Variants in GBF1 observed in about 807,000 individuals in gnomAD.
GBF1 encodes golgi brefeldin A resistant guanine nucleotide exchange factor 1.
In GBF1, 114 loss-of-function variants were observed where a neutral mutation model predicts 210.5. The ratio of observed to expected loss-of-function variants is 0.54; its 90% CI spans 0.47 to 0.63. GBF1 has a LOEUF of 0.63. GBF1 is among the 30% of genes least tolerant of loss of function. The pLI is 0.00. For missense variants in GBF1, 1,851 were observed against 2,357.7 expected (o/e 0.79, Z 4.45); for synonymous variants, 850 against 889.2 (o/e 0.96, Z 0.78).
chr10:102,344,230 C>A (rs752688592), intron 4 of GBF1, 48 bp downstream of exon 4: 1 of 1,599,506 alleles, frequency 6.3e-7, no homozygotes, highest in Non-Finnish European at 8.6e-7. Flanking sequence ...CATTTCCCAC[C>A]TTTCCTGGGG....
intron 3 of GBF1, among the ~76,000 whole-genome samples, chr10:102,291,668 G>A (rs1010541131): frequency 3.9e-5 from 6 of 152,046 alleles, no homozygotes; most frequent in African/African-American, 1.2e-4. Context: ...CTTGATATTT[G>A]GCTTCCTAAG....
At chr10:102,287,270 A>G (rs1214688696) in intron 3 of GBF1, among the ~76,000 whole-genome samples, 5 of 151,564 alleles carry the variant, frequency 3.3e-5, no homozygotes, top group African/African-American at 9.7e-5. Flanking sequence ...TGGGTAGCAA[A>G]TTACCCCCCA....
intron 23 of GBF1, 40 bp from the exon 24 acceptor site, chr10:102,369,171 A>T: frequency 6.8e-7 from 1 of 1,474,120 alleles, no homozygotes. Flanking sequence ...CTTTCCAGAC[A>T]TTAGCTCGGC....
intron 3 of GBF1, among the ~76,000 whole-genome samples, chr10:102,271,152 C>T (rs2074376299): frequency 6.6e-6 from 1 of 152,058 alleles, no homozygotes; most frequent in Non-Finnish European, 1.5e-5. Flanking sequence ...ATTCTCCTGC[C>T]TCAGCCTCCC....
At chr10:102,263,817 C>T (rs1253316586) in intron 3 of GBF1, among the ~76,000 whole-genome samples, 4 of 152,166 alleles carry the variant, frequency 2.6e-5, no homozygotes, top group African/African-American at 9.7e-5. Context: ...AAGAGGGTTG[C>T]TCTTGGAAGA....
chr10:102,357,923 G>C, intron 8 of GBF1, 116 bp from the exon 9 acceptor site: 1 of 736,658 alleles, frequency 1.4e-6, no homozygotes, highest in Non-Finnish European at 2.4e-6. Context: ...TCTTACTTTA[G>C]CAAAGATATG....
chr10:102,296,613 A>G (rs1483700655), intron 3 of GBF1, among the ~76,000 whole-genome samples: 1 of 152,104 alleles, frequency 6.6e-6, no homozygotes, highest in Non-Finnish European at 1.5e-5. Context: ...TTAGTGGCGG[A>G]TGCCTGTAAT....
intron 3 of GBF1, among the ~76,000 whole-genome samples, chr10:102,260,596 G>A (rs1341234921): frequency 6.9e-6 from 1 of 145,454 alleles, no homozygotes; most frequent in Non-Finnish European, 1.5e-5. Context: ...TCCTGCCTCA[G>A]CCTCCTAAGT....
At chr10:102,255,084 A>G (rs2072150931) in intron 1 of GBF1, among the ~76,000 whole-genome samples, 1 of 152,096 alleles carries the variant, frequency 6.6e-6, no homozygotes, top group African/African-American at 2.4e-5. Context: ...TCTGTTGCCC[A>G]GGTTGGAATG....
At chr10:102,288,526 A>AC in intron 3 of GBF1, among the ~76,000 whole-genome samples, 1 of 151,712 alleles carries the variant, frequency 6.6e-6, no homozygotes, top group Non-Finnish European at 1.5e-5. Flanking sequence ...CCTGGCTAAC[A>AC]AGGTGAAACC....
intron 11 of GBF1, among the ~76,000 whole-genome samples, chr10:102,359,687 T>C (rs1565156490): frequency 1.3e-5 from 2 of 151,898 alleles, no homozygotes; most frequent in Admixed American, 6.6e-5. Context: ...GCTTAGGACT[T>C]TTAACAGAAA....
At chr10:102,335,250 G>T (rs1382534245) in intron 3 of GBF1, among the ~76,000 whole-genome samples, 1 of 151,996 alleles carries the variant, frequency 6.6e-6, no homozygotes, top group African/African-American at 2.4e-5. Context: ...CAGATGACTG[G>T]CTCATCTTAG....
At chr10:102,271,465 G>A (rs1482501717) in intron 3 of GBF1, among the ~76,000 whole-genome samples, 1 of 151,418 alleles carries the variant, frequency 6.6e-6, no homozygotes, top group African/African-American at 2.4e-5. Flanking sequence ...GATTACAGGT[G>A]TGAGCCACTG....
chr10:102,230,658 G>A, the GBF1 span: 3 of 1,597,474 alleles, frequency 1.9e-6, no homozygotes, highest in East Asian at 4.5e-5. Flanking sequence ...GGTCCCGATA[G>A]ACGTAGGGGG....
At chr10:102,311,621 C>T (rs936201519) in intron 3 of GBF1, among the ~76,000 whole-genome samples, 1 of 152,228 alleles carries the variant, frequency 6.6e-6, no homozygotes, top group African/African-American at 2.4e-5. Flanking sequence ...TGTCATTTGA[C>T]CCTGTCAGTC....
intron 3 of GBF1, among the ~76,000 whole-genome samples, chr10:102,281,513 A>C (rs1283386867): frequency 1.3e-5 from 2 of 150,848 alleles, no homozygotes; most frequent in Admixed American, 6.6e-5. Flanking sequence ...AGAATCTATA[A>C]AGCACATAAA....
At chr10:102,365,971 C>A (rs893753116) in intron 18 of GBF1, among the ~76,000 whole-genome samples, 6 of 151,790 alleles carry the variant, frequency 4.0e-5, no homozygotes, top group Admixed American at 1.3e-4. Context: ...AAAGGTGGGA[C>A]ATGGTTAGTG....
rs145206051 is a variant in GBF1, at chr10:102,376,430, G to A, written c.4045G>A (p.Val1349Met). Reference protein sequence around the residue: ...DADVVNSGWLVVGKDDVDNSK... With the variant: ...DADVVNSGWLMVGKDDVDNSK... ...CGATGTGGTCAACAGTGGTTGGTTAGTGGTGAGTGACAATATGGGCAGCAA... is the reference window on the plus strand; with the variant it reads ...CGATGTGGTCAACAGTGGTTGGTTAATGGTGAGTGACAATATGGGCAGCAA... The change falls in exon 31 of 40, where the codon GTG becomes ATG. Residue 1349 changes from valine to methionine, a missense_variant and splice_region_variant. Physicochemically the swap from Val to Met is conservative, Grantham distance 21 (BLOSUM62 1). This residue lies in a region of GBF1 where 967 missense variants were observed against 1,247.7 expected (regional missense o/e 0.78). Coordinates refer to ENST00000369983, the MANE Select transcript of GBF1 (RefSeq NM_001377137.1). The A allele has an allele frequency of 8.7e-4, 1,412 of 1,614,204 alleles. 4 individuals are homozygous for A. The highest frequency in any genetic ancestry group is 1.1e-3 in the Non-Finnish European group (1,263 of 1,180,018).
intron 29 of GBF1, among the ~76,000 whole-genome samples, chr10:102,371,988 C>T (rs1187781807): frequency 6.6e-6 from 1 of 150,774 alleles, no homozygotes; most frequent in Non-Finnish European, 1.5e-5. Flanking sequence ...GGGGCTGAGG[C>T]GGGTGGATCA....
Sources: gnomAD v4.1 joint callset for allele counts (sites outside exome capture counted in the v4.1 genomes callset) on GRCh38, gnomAD v4.1.1 for gene constraint, gnomAD v4.1.1 regional missense constraint, MANE v1.5 for transcripts, NCBI Gene and HGNC (gene_info 2026-07-23, HGNC 2026-07-21) for gene names.